Variants in LRRC7 observed in about 807,000 individuals in gnomAD.
LRRC7 encodes the protein leucine-rich repeat-containing protein 7.
A neutral mutation model predicts 175.7 loss-of-function variants in LRRC7; 23 were observed. The ratio of observed to expected loss-of-function variants is 0.13; its 90% CI spans 0.09 to 0.19. LRRC7 has a LOEUF of 0.19. Among genes scored for constraint, LRRC7 ranks in the 10% least tolerant of loss-of-function variants. The pLI, the probability that LRRC7 is intolerant of heterozygous loss-of-function variation, is 1.00. For synonymous variants in LRRC7, 685 were observed against 680.9 expected (o/e 1.01, Z -0.09); for missense variants, 1,354 against 1,904.7 (o/e 0.71, Z 5.38).
intron 7 of LRRC7, chr1:69,874,840 T>A (rs1030320422): frequency 6.6e-6 from 1 of 152,108 alleles, no homozygotes; most frequent in Non-Finnish European, 1.5e-5. Flanking sequence ...TATGAAGATC[T>A]ATATGTAAAA....
rs72917819 is a variant in LRRC7, at chr1:70,115,741, A to G, written c.4621-6039A>G. On this transcript the variant is annotated intron_variant, in intron 26 of 26. Coordinates refer to ENST00000651989, the MANE Select transcript of LRRC7 (RefSeq NM_001370785.2). ...GAGCAGGAACAAAGCAGGAAGAGAG[A>G]TAAAAAGAGCTGAATATAAAACATT... Among the ~76,000 whole-genome samples, 591 of 152,346 alleles carry G rather than the reference A, an allele frequency of 3.9e-3. 2 individuals carry two copies. The highest frequency in any genetic ancestry group is 0.014 in the African/African-American group (565 of 41,580).
At chr1:69,630,549 A>C (rs1217257445) in intron 1 of LRRC7, among the ~76,000 whole-genome samples, 1 of 152,112 alleles carries the variant, frequency 6.6e-6, no homozygotes, top group Non-Finnish European at 1.5e-5. Flanking sequence ...GTTTTAATCT[A>C]AAATCTGAAA....
At chr1:69,785,174 A>G (rs1192775007) in intron 3 of LRRC7, among the ~76,000 whole-genome samples, 1 of 152,148 alleles carries the variant, frequency 6.6e-6, no homozygotes, top group African/African-American at 2.4e-5. Context: ...ACAGTTTTAT[A>G]ATATCTCCTT....
chr1:70,070,804 C>G (rs1193576718), intron 23 of LRRC7, among the ~76,000 whole-genome samples: 2 of 152,162 alleles, frequency 1.3e-5, no homozygotes, highest in Non-Finnish European at 2.9e-5. Context: ...TGACTCTCTA[C>G]TAGGCCTTCT....
chr1:70,105,203 C>A (rs915120148), intron 25 of LRRC7, among the ~76,000 whole-genome samples: 26 of 152,164 alleles, frequency 1.7e-4, no homozygotes, highest in African/African-American at 5.3e-4. Context: ...GTTGATTAAT[C>A]ATTGAGCCTT....
At chr1:69,670,826 A>G (rs1460762248) in intron 1 of LRRC7, among the ~76,000 whole-genome samples, 1 of 152,096 alleles carries the variant, frequency 6.6e-6, no homozygotes, top group Admixed American at 6.5e-5. Flanking sequence ...ATAGGCTACC[A>G]TCAATATTCC....
At chr1:69,933,011 C>A (rs1468301306) in intron 8 of LRRC7, among the ~76,000 whole-genome samples, 1 of 152,228 alleles carries the variant, frequency 6.6e-6, no homozygotes, top group African/African-American at 2.4e-5. Context: ...TCAGCTCTCA[C>A]TGGCTGTAAA....
intron 2 of LRRC7, among the ~76,000 whole-genome samples, chr1:69,739,398 A>G (rs549512384): frequency 6.6e-6 from 1 of 152,190 alleles, no homozygotes; most frequent in African/African-American, 2.4e-5. Context: ...TAAGCCCAGG[A>G]ATGTAGAAGA....
At chr1:69,777,330 G>C (rs1672924469) in intron 3 of LRRC7, among the ~76,000 whole-genome samples, 1 of 152,174 alleles carries the variant, frequency 6.6e-6, no homozygotes. Flanking sequence ...GGCCAAGAAA[G>C]GCAAGAACTG....
At chr1:69,635,736 T>C (rs1001571148) in intron 1 of LRRC7, among the ~76,000 whole-genome samples, 2 of 152,072 alleles carry the variant, frequency 1.3e-5, no homozygotes, top group South Asian at 2.1e-4. Context: ...AAGTTGATAG[T>C]GTGCTTGCAC....
chr1:69,605,608 T>C (rs1292246021), intron 1 of LRRC7, among the ~76,000 whole-genome samples: 1 of 152,180 alleles, frequency 6.6e-6, no homozygotes, highest in Non-Finnish European at 1.5e-5. Context: ...TTGATGCTAC[T>C]GGGTAAGTGC....
intron 8 of LRRC7, among the ~76,000 whole-genome samples, chr1:69,935,133 T>C (rs367903132): frequency 1.4e-4 from 21 of 152,184 alleles, no homozygotes; most frequent in African/African-American, 4.3e-4. Flanking sequence ...ACAGTGGCAA[T>C]GGGTAGCAGG....
At chr1:69,643,871 T>TA (rs896250294) in intron 1 of LRRC7, among the ~76,000 whole-genome samples, 3 of 151,372 alleles carry the variant, frequency 2.0e-5, no homozygotes, top group East Asian at 1.9e-4. Flanking sequence ...AATTAGGAAT[T>TA]AAAAAAAAAC....
chr1:69,903,084 A>T lies in LRRC7; in HGVS notation c.648-28423A>T, dbSNP rs756536428. 2.4e-4 allele frequency among the ~76,000 whole-genome samples: 37 copies of T among 152,222 alleles called. 1 individual carries two copies. Among genetic ancestry groups the T allele is most frequent in the Non-Finnish European group, 4.7e-4 (32 of 68,034 alleles). ...TTTTAGCATGATAATCTTTATGACA[A>T]ATGATAACCATGGCAAAAAGTTATT... On this transcript the variant is annotated intron_variant, in intron 7 of 26. Transcript: ENST00000651989.
rs565141610 is a variant in LRRC7, at chr1:70,066,503, T to C, written c.4231-9574T>C. ...TCTGTATGTATGTAACCTTTTGGGA[T>C]TGGCTTTTCCAGCATACTTCTCTGG... is the stretch of plus-strand genomic sequence containing the variant. On this transcript the variant is annotated intron_variant, in intron 23 of 26. Coordinates refer to ENST00000651989, the MANE Select transcript of LRRC7 (RefSeq NM_001370785.2). 9.0e-4 allele frequency among the ~76,000 whole-genome samples: 137 copies of C among 152,172 alleles called. No homozygotes were observed. In the Middle Eastern group the frequency reaches 0.01, roughly 11 times the overall value.
At chr1:70,056,365 T>C (rs548670618) in intron 23 of LRRC7, among the ~76,000 whole-genome samples, 73 of 152,186 alleles carry the variant, frequency 4.8e-4, no homozygotes, top group African/African-American at 1.7e-3. Flanking sequence ...CTGTAGAAAA[T>C]TCAAGGGAAA....
intron 1 of LRRC7, among the ~76,000 whole-genome samples, chr1:69,613,045 C>A (rs1268657279): frequency 6.6e-6 from 1 of 151,980 alleles, no homozygotes; most frequent in Non-Finnish European, 1.5e-5. Context: ...CTTGCCTACC[C>A]CACCCATCTT....
chr1:69,628,673 T>C (rs949331195), intron 1 of LRRC7, among the ~76,000 whole-genome samples: 2 of 152,044 alleles, frequency 1.3e-5, no homozygotes, highest in African/African-American at 4.8e-5. Context: ...TAACACAATA[T>C]TGAAGGAAAA....
Position 70,028,090 on chromosome 1 carries a change from A to G in LRRC7, c.1795-81A>G, listed in dbSNP as rs72676881. 2,261 of 1,182,464 alleles carry G rather than the reference A, an allele frequency of 1.9e-3. 9 individuals carry two copies. The highest frequency in any genetic ancestry group is 9.1e-3 in the Middle Eastern group (32 of 3,524). 73.2% of individuals were successfully genotyped at this position (1,182,464 alleles called of 1,614,324 possible). On this transcript the variant is annotated intron_variant, in intron 17 of 26. Coordinates refer to ENST00000651989, the MANE Select transcript of LRRC7 (RefSeq NM_001370785.2). ...TCACTGTATTGCATTTGATTATACT[A>G]CTGAATATAAAATGGGATAGTTTTG... is the stretch of plus-strand genomic sequence containing the variant.
Sources: gnomAD v4.1 joint callset for allele counts (sites outside exome capture counted in the v4.1 genomes callset) on GRCh38, gnomAD v4.1.1 for gene constraint, MANE v1.5 for transcripts, NCBI Gene and HGNC (gene_info 2026-07-23, HGNC 2026-07-21) for gene names.